Variants in SCGB2A2 observed in about 807,000 individuals in gnomAD.
The protein encoded by SCGB2A2 is mammaglobin-A.
Under a neutral mutation model 8.8 loss-of-function variants are expected in SCGB2A2, and 11 were observed. The ratio of observed to expected loss-of-function variants is 1.25; its 90% CI spans 0.79 to 2.07. The LOEUF (loss-of-function observed/expected upper bound fraction) is 2.07. Among genes scored for constraint, SCGB2A2 ranks in the 30% most tolerant of loss-of-function variants. The probability of loss-of-function intolerance (pLI) is 0.00; values close to 1 mark genes in which losing one functional copy is unlikely to be tolerated. For synonymous variants in SCGB2A2, 42 were observed against 40.9 expected (o/e 1.03, Z -0.10); for missense variants, 113 against 109.9 (o/e 1.03, Z -0.13).
intron 2 of SCGB2A2, 36 bp downstream of exon 2, chr11:62,271,104 C>T (rs1945274978): frequency 1.9e-6 from 3 of 1,613,294 alleles, no homozygotes; most frequent in Non-Finnish European, 1.7e-6. Flanking sequence ...TTTTTAAATC[C>T]CCTGACCAGG....
At chr11:62,270,712 A>G (rs1259766996) in intron 1 of SCGB2A2, among the ~76,000 whole-genome samples, 169 bp from the exon 2 acceptor site, 1 of 152,198 alleles carries the variant, frequency 6.6e-6, no homozygotes, top group Non-Finnish European at 1.5e-5. Context: ...GGCTTACAGG[A>G]AATCCCAGAG....
chr11:62,270,456 C>A (rs755586796), intron 1 of SCGB2A2, among the ~76,000 whole-genome samples, 185 bp downstream of exon 1: 14 of 152,174 alleles, frequency 9.2e-5, no homozygotes, highest in Non-Finnish European at 1.6e-4. Context: ...CTGTCCACCT[C>A]GGCCTCCCAA....
chr11:62,270,398 T>G, intron 1 of SCGB2A2, 127 bp downstream of exon 1: 1 of 855,452 alleles, frequency 1.2e-6, no homozygotes, highest in South Asian at 1.5e-5. Flanking sequence ...GTATAACAGA[T>G]CTCACCATGT....
rs913768790 is a variant in SCGB2A2 at position 62,270,895 on chromosome 11, T to A, written c.70T>A (p.Leu24Ile). The change falls in exon 2 of 3, where the codon TTA becomes ATA. Residue 24 changes from leucine to isoleucine, a missense_variant. Physicochemically the swap from Leu to Ile is conservative, Grantham distance 5. Coordinates refer to ENST00000227918, the MANE Select transcript of SCGB2A2 (RefSeq NM_002411.4). Reference sequence around the variant, plus strand: ...ATCCTTCCCAGGCTCTGGCTGCCCCTTATTGGAGAATGTGATTTCCAAGAC... The same window carrying A: ...ATCCTTCCCAGGCTCTGGCTGCCCCATATTGGAGAATGTGATTTCCAAGAC... ...QHCYAGSGCPLLENVISKTIN... is the reference protein window; with the variant it reads ...QHCYAGSGCPILENVISKTIN... 2.5e-6 allele frequency: 4 copies of A among 1,613,824 alleles called. No homozygotes were observed. The highest frequency in any genetic ancestry group is 2.2e-5 in the South Asian group (2 of 91,080).
At chr11:62,270,741 A>G (rs1945270685) in intron 1 of SCGB2A2, 140 bp from the exon 2 acceptor site, 1 of 676,370 alleles carries the variant, frequency 1.5e-6, no homozygotes. Flanking sequence ...TTTCTCCCAG[A>G]TTTGAGAACT....
chr11:62,273,058 C>T lies in SCGB2A2; in HGVS notation c.*63C>T. Reference sequence around the variant, plus strand: ...ATGGTGAGAAACCAACTACGGATTGCTGCAAACCACACCTTCTCTTTCTTA... The same window carrying T: ...ATGGTGAGAAACCAACTACGGATTGTTGCAAACCACACCTTCTCTTTCTTA... On this transcript the variant is annotated 3_prime_UTR_variant, in exon 3 of 3. Transcript: ENST00000227918. The T allele has an allele frequency of 8.7e-7, 1 of 1,149,670 alleles. No homozygotes were observed. Among genetic ancestry groups the T allele is most frequent in the Non-Finnish European group, 1.3e-6 (1 of 784,572 alleles). 71.2% of individuals were successfully genotyped at this position (1,149,670 alleles called of 1,614,324 possible).
intron 2 of SCGB2A2, chr11:62,272,127 G>A (rs1484517971): frequency 9.0e-6 from 3 of 331,742 alleles, no homozygotes; most frequent in Non-Finnish European, 1.3e-5. Flanking sequence ...AAACCCTGAC[G>A]CTTTCTACAA....
In SCGB2A2 at chr11:62,270,968, A is replaced by G; in HGVS notation, c.143A>G (p.Glu48Gly). 6.2e-7 allele frequency: 1 copy of G among 1,614,156 alleles called. No homozygotes were observed. Among genetic ancestry groups the G allele is most frequent in the South Asian group, 1.1e-5 (1 of 91,084 alleles). Residue 48 changes from glutamate (E) to glycine (G), a missense_variant, in exon 2 of 3, where the codon GAG (glutamate) becomes GGG (glycine). Physicochemically the swap from Glu to Gly is moderately conservative, Grantham distance 98 (BLOSUM62 -2). Coordinates refer to ENST00000227918, the MANE Select transcript of SCGB2A2 (RefSeq NM_002411.4). ...ACTGAATACAAAGAACTTCTTCAAG[A>G]GTTCATAGACGACAATGCCACTACA... ...SKTEYKELLQ[E>G]FIDDNATTNA...
chr11:62,273,009 CT>C lies in SCGB2A2; in HGVS notation c.*17del. ...GATTTATTTTAACTTTCTGCAAGAC[CT>C]TTGGCTCACAGAACTGCAGGGTATG... On this transcript the variant is annotated 3_prime_UTR_variant, in exon 3 of 3. Coordinates refer to ENST00000227918, the MANE Select transcript of SCGB2A2 (RefSeq NM_002411.4). 2 of 1,602,058 alleles carry C rather than the reference CT, an allele frequency of 1.2e-6. No homozygotes were observed. The highest frequency in any genetic ancestry group is 2.2e-5 in the East Asian group (1 of 44,510).
In SCGB2A2 at chr11:62,270,973, A is replaced by T; in HGVS notation, c.148A>T (p.Ile50Leu). The stretch of plus-strand genomic sequence containing the variant: ...ATACAAAGAACTTCTTCAAGAGTTC[A>T]TAGACGACAATGCCACTACAAATGC... ...TEYKELLQEF[I>L]DDNATTNAID... The change falls in exon 2 of 3, where the codon ATA becomes TTA. Residue 50 changes from isoleucine to leucine, a missense_variant. Transcript: ENST00000227918. The T allele has an allele frequency of 6.2e-7, 1 of 1,614,156 alleles. No individual in the cohort carries two copies. The highest frequency in any genetic ancestry group is 1.1e-5 in the South Asian group (1 of 91,086).
chr11:62,273,100 A>C lies in SCGB2A2; in HGVS notation c.*105A>C. On this transcript the variant is annotated 3_prime_UTR_variant, in exon 3 of 3. Transcript: ENST00000227918. Reference sequence around the variant, plus strand: ...TCTTTCTTATGTCTTTTTACTACAAACTACAAGACAATTGTTGAAACCTGC... The same window carrying C: ...TCTTTCTTATGTCTTTTTACTACAACCTACAAGACAATTGTTGAAACCTGC... 1.3e-6 allele frequency: 1 copy of C among 774,898 alleles called. No homozygotes were observed. The highest frequency in any genetic ancestry group is 2.1e-6 in the Non-Finnish European group (1 of 471,578). 48.0% of individuals were successfully genotyped at this position (774,898 alleles called of 1,614,324 possible).
At chr11:62,271,180 A>C (rs1280375581) in intron 2 of SCGB2A2, 112 bp downstream of exon 2, 2 of 1,595,030 alleles carry the variant, frequency 1.3e-6, no homozygotes, top group Non-Finnish European at 1.7e-6. Context: ...CTTTTCTTAC[A>C]TTGGTTAATT....
In SCGB2A2 at chr11:62,271,156, A is replaced by C. The variant is rs780274420; in HGVS notation, c.243+88A>C. The stretch of plus-strand genomic sequence containing the variant: ...ATTTCTCACTGACAATGCCAAAGCC[A>C]CTAGTGAACAAGCCTTTTCTTACAT... On this transcript the variant is annotated intron_variant, in intron 2 of 2. Coordinates refer to ENST00000227918, the MANE Select transcript of SCGB2A2 (RefSeq NM_002411.4). 1.2e-5 allele frequency: 20 copies of C among 1,607,434 alleles called. No individual in the cohort carries two copies. In the East Asian group the frequency reaches 4.2e-4, roughly 34 times the overall value.
chr11:62,270,233 T>C lies in SCGB2A2; in HGVS notation c.17T>C (p.Val6Ala). The change falls in exon 1 of 3, where the codon GTC (valine) becomes GCC (alanine). Residue 6 changes from valine to alanine, a missense_variant. Val to Ala is a moderately conservative substitution (Grantham distance 64). Transcript: ENST00000227918. ...AGCCTCACCATGAAGTTGCTGATGG[T>C]CCTCATGCTGGCGGCCCTCTCCCAG... MKLLM[V>A]LMLAALSQHC... The C allele has an allele frequency of 6.2e-7, 1 of 1,614,018 alleles. No individual in the cohort carries two copies. The highest frequency in any genetic ancestry group is 2.2e-5 in the East Asian group (1 of 44,868).
At chr11:62,270,333 A>G (rs1042092201) in intron 1 of SCGB2A2, 62 bp downstream of exon 1, 5 of 1,444,236 alleles carry the variant, frequency 3.5e-6, no homozygotes, top group African/African-American at 1.4e-5. Flanking sequence ...CCTCTATGGA[A>G]GAACTCCTGC....
chr11:62,270,380 G>A, intron 1 of SCGB2A2, 109 bp downstream of exon 1: 1 of 1,023,778 alleles, frequency 9.8e-7, no homozygotes, highest in South Asian at 1.3e-5. Flanking sequence ...CCAGTACAAA[G>A]GCTGTAGGTA....
At position 62,271,973 on chromosome 11, in the gene SCGB2A2, A is replaced by G. The variant is rs191728688; in HGVS notation, c.243+905A>G. 15 of 900,932 alleles carry G rather than the reference A, an allele frequency of 1.7e-5. No individual in the cohort carries two copies. The East Asian group carries it at 1.7e-3, about 103-fold the overall frequency. 55.8% of individuals were successfully genotyped at this position (900,932 alleles called of 1,614,324 possible). On this transcript the variant is annotated intron_variant, in intron 2 of 2. Coordinates refer to ENST00000227918, the MANE Select transcript of SCGB2A2 (RefSeq NM_002411.4). ...GTTTTGTATTTCTTTCTAACTATAC[A>G]TGTATATTGTTGAGGGTTTTCTTTA...
intron 2 of SCGB2A2, chr11:62,271,739 T>TA (rs1265179256): frequency 4.1e-6 from 4 of 986,108 alleles, no homozygotes; most frequent in Non-Finnish European, 4.8e-6. Flanking sequence ...TGTTCTTTCT[T>TA]AAAAAATGCC....
At chr11:62,271,915 T>G (rs1356863413) in intron 2 of SCGB2A2, 8 of 981,632 alleles carry the variant, frequency 8.1e-6, no homozygotes, top group Non-Finnish European at 9.7e-6. Flanking sequence ...GAAACCACCA[T>G]GGAGGAAGAA....
Sources: allele counts gnomAD v4.1 joint callset (sites outside exome capture counted in the v4.1 genomes callset), GRCh38; gene constraint gnomAD v4.1.1; transcripts MANE v1.5; gene names NCBI Gene and HGNC (gene_info 2026-07-23, HGNC 2026-07-21).